The following NSUN3 variants were observed in gnomAD, a reference collection of about 807,000 sequenced individuals.
NSUN3 encodes the protein NOP2/Sun RNA methyltransferase 3, also known as tRNA (cytosine(34)-C(5))-methyltransferase, mitochondrial.
NSUN3 carries 24 observed loss-of-function variants against 36.8 expected under a neutral mutation model. That is an observed-to-expected ratio of 0.65 (90% confidence interval 0.47 to 0.92). NSUN3 has a LOEUF of 0.92. Ranked by LOEUF, NSUN3 falls within the 40% of genes least tolerant of loss-of-function variation. NSUN3 has a pLI of 0.00. For synonymous variants in NSUN3, 146 were observed against 145.2 expected (o/e 1.01, Z -0.04); for missense variants, 381 against 392.8 (o/e 0.97, Z 0.25).
intron 5 of NSUN3, among the ~76,000 whole-genome samples, chr3:94,120,049 AGG>A (rs1189266878): frequency 1.3e-5 from 2 of 152,272 alleles, no homozygotes; most frequent in Admixed American, 6.5e-5. Context: ...GCATTAAGCC[AGG>A]AACATATTGT....
At position 94,063,070 on chromosome 3, in the gene NSUN3, G is replaced by C; in HGVS notation, c.-57G>C. 2 of 1,608,850 alleles carry C rather than the reference G, an allele frequency of 1.2e-6. No individual in the cohort carries two copies. Among genetic ancestry groups the C allele is most frequent in the South Asian group, 2.2e-5 (2 of 90,938 alleles). On this transcript the variant is annotated 5_prime_UTR_variant, in exon 1 of 6. Coordinates refer to ENST00000314622, the MANE Select transcript of NSUN3 (RefSeq NM_022072.5). The stretch of plus-strand genomic sequence containing the variant: ...TCAGACTGTTTTTTTCAGTTCCCTG[G>C]AGGCTTTTTGATACTGATTCGCGTA...
At chr3:94,075,548 G>A (rs919341736) in intron 2 of NSUN3, among the ~76,000 whole-genome samples, 2 of 152,046 alleles carry the variant, frequency 1.3e-5, no homozygotes, top group African/African-American at 4.8e-5. Context: ...ACCTCATTTG[G>A]CTCTATTCCT....
chr3:94,080,100 G>A (rs937927468), intron 2 of NSUN3, among the ~76,000 whole-genome samples: 3 of 151,890 alleles, frequency 2.0e-5, no homozygotes, highest in Admixed American at 2.0e-4. Context: ...GGTGACCTTT[G>A]GCTGGTGGGG....
intron 2 of NSUN3, among the ~76,000 whole-genome samples, chr3:94,069,918 CTG>C (rs1183440542): frequency 6.6e-6 from 1 of 152,150 alleles, no homozygotes; most frequent in Non-Finnish European, 1.5e-5. Flanking sequence ...GCTTCATTAA[CTG>C]TTTCTCAAAA....
At chr3:94,077,158 G>A (rs995150625) in intron 2 of NSUN3, 2 of 722,328 alleles carry the variant, frequency 2.8e-6, no homozygotes, top group African/African-American at 3.5e-5. Flanking sequence ...ATCAAAGGCT[G>A]CTTCCTTGTC....
intron 2 of NSUN3, chr3:94,075,770 G>T: frequency 1.4e-6 from 1 of 735,156 alleles, no homozygotes; most frequent in East Asian, 4.5e-5. Context: ...CCCACTGTTT[G>T]GGCTAATAGC....
chr3:94,123,233 C>T (rs2077471634), intron 5 of NSUN3, among the ~76,000 whole-genome samples: 1 of 152,176 alleles, frequency 6.6e-6, no homozygotes, highest in Non-Finnish European at 1.5e-5. Flanking sequence ...CACTCTGAGG[C>T]TTCACTCCTT....
Position 94,067,140 on chromosome 3 carries a change from G to A in NSUN3, c.122+2594G>A, listed in dbSNP as rs147486054. On this transcript the variant is annotated intron_variant, in intron 2 of 5. Transcript: ENST00000314622. Reference sequence around the variant, plus strand: ...TGTATGGACAGTCAATCATATATACGTGACCAAGCCCCAATAAAAAGTGGA... The same window carrying A: ...TGTATGGACAGTCAATCATATATACATGACCAAGCCCCAATAAAAAGTGGA... 3.3e-3 allele frequency among the ~76,000 whole-genome samples: 501 copies of A among 152,216 alleles called. 3 individuals are homozygous for A. Among genetic ancestry groups the A allele is most frequent in the African/African-American group, 0.011 (468 of 41,524 alleles).
intron 4 of NSUN3, 36 bp downstream of exon 4, chr3:94,094,330 C>A: frequency 1.3e-6 from 2 of 1,564,324 alleles, no homozygotes; most frequent in Non-Finnish European, 8.7e-7. Context: ...TGATGGACGC[C>A]CAGTAATACC....
intron 5 of NSUN3, among the ~76,000 whole-genome samples, chr3:94,108,756 C>G (rs1299057960): frequency 6.6e-6 from 1 of 151,354 alleles, no homozygotes; most frequent in Non-Finnish European, 1.5e-5. Context: ...GCGGAGGCCT[C>G]CCGGGTTCCA....
intron 2 of NSUN3, among the ~76,000 whole-genome samples, chr3:94,072,295 A>T (rs2077227498): frequency 6.6e-6 from 1 of 152,130 alleles, no homozygotes. Flanking sequence ...AGTCAGTCTG[A>T]TTTTGAATCA....
Position 94,128,677 on chromosome 3 carries a change from C to T in NSUN3, c.*2187C>T, listed in dbSNP as rs1037080903. 6.6e-6 allele frequency: 1 copy of T among 151,500 alleles called. No homozygotes were observed. The highest frequency in any genetic ancestry group is 2.4e-5 in the African/African-American group (1 of 41,222). The allele number at this position is 151,500 out of a possible 1,614,324, so 9.4% of individuals were successfully genotyped here. ...CTAATTAAACTGAAGAGCTTCTGCA[C>T]AGCAAACTAAACTATCAACAGAGTA... is the stretch of plus-strand genomic sequence containing the variant. On this transcript the variant is annotated 3_prime_UTR_variant, in exon 6 of 6. Transcript: ENST00000314622.
chr3:94,110,406 A>AGTGAT (rs2077411399), intron 5 of NSUN3, among the ~76,000 whole-genome samples: 2 of 151,968 alleles, frequency 1.3e-5, no homozygotes, highest in Admixed American at 6.6e-5. Context: ...TTTGGGTTAC[A>AGTGAT]AAATCTTTTC....
At chr3:94,114,061 A>T (rs939734306) in intron 5 of NSUN3, among the ~76,000 whole-genome samples, 1 of 152,212 alleles carries the variant, frequency 6.6e-6, no homozygotes, top group Non-Finnish European at 1.5e-5. Flanking sequence ...TTCTCAGGTC[A>T]TTGCTTAAGA....
intron 2 of NSUN3, among the ~76,000 whole-genome samples, chr3:94,075,034 A>T (rs1324384765): frequency 6.6e-6 from 1 of 152,116 alleles, no homozygotes; most frequent in Non-Finnish European, 1.5e-5. Flanking sequence ...AAATTTGTCA[A>T]GGTCTTTTCT....
rs544446084 is a variant in NSUN3 at position 94,124,198 on chromosome 3, G to C, written c.744-2013G>C. Among the ~76,000 whole-genome samples the C allele has an allele frequency of 1.5e-4, 20 of 131,462 alleles. No homozygotes were observed. The South Asian group carries it at 4.6e-3, about 30-fold the overall frequency. The allele number at this position is 131,462 out of a possible 152,430, so 86.2% of individuals were successfully genotyped here. A position where few individuals can be genotyped will look rare whatever the true frequency, so the allele number is the denominator to read the frequency against. Reference sequence around the variant, plus strand: ...GATGGAGTCTCACTCTTTCACCCAGGCTGGAGTGAAGTGGTGTGATCTTGG... The same window carrying C: ...GATGGAGTCTCACTCTTTCACCCAGCCTGGAGTGAAGTGGTGTGATCTTGG... On this transcript the variant is annotated intron_variant, in intron 5 of 5. Transcript: ENST00000314622.
intron 3 of NSUN3, among the ~76,000 whole-genome samples, chr3:94,089,930 C>T (rs950792376): frequency 2.6e-5 from 4 of 152,056 alleles, no homozygotes; most frequent in African/African-American, 4.8e-5. Flanking sequence ...GATTTACCTC[C>T]CACTAACACT....
chr3:94,121,915 C>A (rs1388657943), intron 5 of NSUN3, among the ~76,000 whole-genome samples: 1 of 152,022 alleles, frequency 6.6e-6, no homozygotes, highest in Non-Finnish European at 1.5e-5. Flanking sequence ...GAGGCCAAGG[C>A]GGGCGGATCA....
intron 2 of NSUN3, among the ~76,000 whole-genome samples, chr3:94,068,467 C>T (rs1345213305): frequency 6.6e-6 from 1 of 152,114 alleles, no homozygotes; most frequent in South Asian, 2.1e-4. Flanking sequence ...GAGACTTGGG[C>T]AAGTCTTCTG....
Sources: allele counts gnomAD v4.1 joint callset (sites outside exome capture counted in the v4.1 genomes callset), GRCh38; gene constraint gnomAD v4.1.1; transcripts MANE v1.5; gene names NCBI Gene and HGNC (gene_info 2026-07-23, HGNC 2026-07-21).